POU6F2: variants seen among roughly 807,000 people sequenced by gnomAD.
The protein encoded by POU6F2 is POU domain, class 6, transcription factor 2.
In POU6F2, 31 loss-of-function variants were observed where a neutral mutation model predicts 71.3. That is an observed-to-expected ratio of 0.43 (90% CI 0.33 to 0.59). POU6F2 has a LOEUF of 0.59. Among genes scored for constraint, POU6F2 ranks in the 20% least tolerant of loss-of-function variants. The pLI, the probability that POU6F2 is intolerant of heterozygous loss-of-function variation, is 0.04. For synonymous variants in POU6F2, 347 were observed against 355.7 expected (o/e 0.98, Z 0.27); for missense variants, 783 against 856.8 (o/e 0.91, Z 1.07).
intron 2 of POU6F2, chr7:39,132,411 A>G (rs1417251556): frequency 6.6e-6 from 1 of 152,212 alleles, no homozygotes; most frequent in Non-Finnish European, 1.5e-5. Flanking sequence ...TCAGAGAGGC[A>G]AATGATGACC....
chr7:39,086,070 T>C (rs760288667), intron 2 of POU6F2, 39 bp downstream of exon 2: 2 of 1,596,280 alleles, frequency 1.3e-6, no homozygotes, highest in South Asian at 2.2e-5. Context: ...TACTACCATG[T>C]TGTCCGGAAG....
At chr7:39,277,246 A>G (rs986091709) in intron 4 of POU6F2, among the ~76,000 whole-genome samples, 3 of 152,196 alleles carry the variant, frequency 2.0e-5, no homozygotes, top group African/African-American at 7.2e-5. Flanking sequence ...ACATTTTTAA[A>G]TTTAAATTTA....
intron 6 of POU6F2, among the ~76,000 whole-genome samples, chr7:39,414,731 G>T (rs1210985783): frequency 8.1e-6 from 1 of 123,868 alleles, no homozygotes; most frequent in Non-Finnish European, 1.6e-5. Flanking sequence ...CCACATTTCT[G>T]AAATGAAAGA....
At chr7:39,287,168 C>A (rs1187577878) in intron 4 of POU6F2, among the ~76,000 whole-genome samples, 2 of 152,128 alleles carry the variant, frequency 1.3e-5, no homozygotes, top group Non-Finnish European at 2.9e-5. Context: ...GCCCAACAAG[C>A]AATGTTTGCA....
rs556193466 is a variant in POU6F2 at position 39,408,970 on chromosome 7, A to G, written c.1113+2230A>G. ...AACAGCCTGTGGTCAAATTACACCAAAAGAGATAGGCAAAAATTTTGTGTT... is the reference window on the plus strand; with the variant it reads ...AACAGCCTGTGGTCAAATTACACCAGAAGAGATAGGCAAAAATTTTGTGTT... On this transcript the variant is annotated intron_variant, in intron 6 of 9. Coordinates refer to ENST00000518318, the MANE Select transcript of POU6F2 (RefSeq NM_001370959.1). 4.2e-4 allele frequency among the ~76,000 whole-genome samples: 64 copies of G among 152,360 alleles called. No individual in the cohort carries two copies. The South Asian group carries it at 0.01, about 24-fold the overall frequency.
chr7:39,305,113 G>A (rs1290598530), intron 4 of POU6F2, among the ~76,000 whole-genome samples: 2 of 152,210 alleles, frequency 1.3e-5, no homozygotes, highest in African/African-American at 4.8e-5. Context: ...GTAACTTACA[G>A]GCTAAAATCA....
chr7:39,446,978 A>G (rs1218691663), intron 7 of POU6F2, among the ~76,000 whole-genome samples: 1 of 152,204 alleles, frequency 6.6e-6, no homozygotes, highest in African/African-American at 2.4e-5. Flanking sequence ...CGATCATATA[A>G]AGAGGATACA....
intron 2 of POU6F2, among the ~76,000 whole-genome samples, chr7:39,180,328 G>A (rs956235003): frequency 6.6e-6 from 1 of 152,142 alleles, no homozygotes; most frequent in Non-Finnish European, 1.5e-5. Context: ...AGGGAAGGTA[G>A]AACATTCTAT....
At position 39,410,595 on chromosome 7, in the gene POU6F2, G is replaced by A. The variant is rs1352133041; in HGVS notation, c.1113+3855G>A. On this transcript the variant is annotated intron_variant, in intron 6 of 9. Coordinates refer to ENST00000518318, the MANE Select transcript of POU6F2 (RefSeq NM_001370959.1). Reference sequence around the variant, plus strand: ...GTTGGCCCATAACTGGCTCTGTGACGTCGGGCAAATTACTTGAGCTCTCTG... The same window carrying A: ...GTTGGCCCATAACTGGCTCTGTGACATCGGGCAAATTACTTGAGCTCTCTG... Among the ~76,000 whole-genome samples, 4 of 152,126 alleles carry A rather than the reference G, an allele frequency of 2.6e-5. No individual in the cohort carries two copies. The East Asian group carries it at 5.8e-4, about 22-fold the overall frequency.
chr7:39,174,578 G>A (rs549699768), intron 2 of POU6F2, among the ~76,000 whole-genome samples: 6 of 152,060 alleles, frequency 3.9e-5, no homozygotes, highest in Admixed American at 3.3e-4. Flanking sequence ...ATCCTATCAC[G>A]GCCAAAGCCC....
At chr7:39,200,863 A>G (rs1047286914) in intron 2 of POU6F2, among the ~76,000 whole-genome samples, 2 of 58,982 alleles carry the variant, frequency 3.4e-5, no homozygotes, top group African/African-American at 6.8e-5. Flanking sequence ...GAAAAAAAGA[A>G]AAAAAAAGAA....
At position 39,296,658 on chromosome 7, in the gene POU6F2, T is replaced by C. The variant is rs942438060; in HGVS notation, c.599-42984T>C. Among the ~76,000 whole-genome samples, 15 of 152,124 alleles carry C rather than the reference T, an allele frequency of 9.9e-5. No individual in the cohort carries two copies. The East Asian group carries it at 2.7e-3, about 27-fold the overall frequency. On this transcript the variant is annotated intron_variant, in intron 4 of 9. Transcript: ENST00000518318. ...TGGAACCTCCTTCCTCCCCACCTCA[T>C]TGGCACCAACTCATCCTCAGGGAAG...
At chr7:39,103,753 C>A (rs920856727) in intron 2 of POU6F2, among the ~76,000 whole-genome samples, 17 of 151,926 alleles carry the variant, frequency 1.1e-4, no homozygotes, top group African/African-American at 4.1e-4. Context: ...AACCCCTGTA[C>A]TGGCAAACCC....
intron 1 of POU6F2, among the ~76,000 whole-genome samples, chr7:39,060,606 A>C (rs1280899289): frequency 6.6e-6 from 1 of 152,220 alleles, no homozygotes; most frequent in Non-Finnish European, 1.5e-5. Flanking sequence ...CCTTCAAGAC[A>C]GATAAAATGT....
chr7:39,238,767 C>T (rs563637715), intron 4 of POU6F2, among the ~76,000 whole-genome samples: 37 of 152,212 alleles, frequency 2.4e-4, no homozygotes, highest in African/African-American at 8.9e-4. Flanking sequence ...AAGACTCCAG[C>T]TCCAAATTGG....
At chr7:39,270,404 T>C (rs1249697146) in intron 4 of POU6F2, among the ~76,000 whole-genome samples, 1 of 152,320 alleles carries the variant, frequency 6.6e-6, no homozygotes, top group East Asian at 1.9e-4. Context: ...ATAGGAAGTA[T>C]GTGATAGGCG....
chr7:39,388,776 C>T (rs1017433317), intron 5 of POU6F2, among the ~76,000 whole-genome samples: 5 of 152,184 alleles, frequency 3.3e-5, no homozygotes, highest in African/African-American at 9.7e-5. Context: ...GGTAAATTAA[C>T]GGCTAGTACA....
intron 1 of POU6F2, among the ~76,000 whole-genome samples, chr7:39,059,959 C>A (rs992126220): frequency 1.3e-5 from 2 of 152,084 alleles, no homozygotes; most frequent in African/African-American, 2.4e-5. Flanking sequence ...ACCTGTAATC[C>A]CAACACTTTG....
At chr7:39,304,358 C>T (rs943663496) in intron 4 of POU6F2, among the ~76,000 whole-genome samples, 1 of 152,136 alleles carries the variant, frequency 6.6e-6, no homozygotes, top group African/African-American at 2.4e-5. Context: ...TATCTTGAGC[C>T]AACATTTGGT....
Sources: gnomAD v4.1 joint callset for allele counts (sites outside exome capture counted in the v4.1 genomes callset) on GRCh38, gnomAD v4.1.1 for gene constraint, MANE v1.5 for transcripts, NCBI Gene and HGNC (gene_info 2026-07-23, HGNC 2026-07-21) for gene names.